Variants in PDK1 observed in about 807,000 individuals in gnomAD.
PDK1 encodes the protein [Pyruvate dehydrogenase (acetyl-transferring)] kinase isozyme 1, mitochondrial.
Under a neutral mutation model 54.2 loss-of-function variants are expected in PDK1, and 39 were observed. That is an observed-to-expected ratio of 0.72 (90% CI 0.56 to 0.94). The LOEUF (loss-of-function observed/expected upper bound fraction) is 0.94. Among genes scored for constraint, PDK1 ranks in the 40% least tolerant of loss-of-function variants. PDK1 has a pLI of 0.00. For missense variants in PDK1, 552 were observed against 566.0 expected, an observed-to-expected ratio of 0.98 and a Z score of 0.25; for synonymous variants, 221 against 207.1, an observed-to-expected ratio of 1.07 and a Z score of -0.58.
chr2:172,664,131 G>A, the PDK1 span, among the ~76,000 whole-genome samples: 1 of 151,484 alleles, frequency 6.6e-6, no homozygotes, highest in African/African-American at 2.4e-5. Flanking sequence ...GGCCAACATG[G>A]AGAAACCCTG....
At chr2:172,690,252 G>A in the PDK1 span, among the ~76,000 whole-genome samples, 2 of 150,558 alleles carry the variant, frequency 1.3e-5, no homozygotes, top group Non-Finnish European at 2.9e-5. Context: ...ATGAAAAAAT[G>A]CTCATCGTCA....
At chr2:172,582,657 C>T (rs1369162137) in intron 8 of PDK1, among the ~76,000 whole-genome samples, 1 of 152,184 alleles carries the variant, frequency 6.6e-6, no homozygotes, top group Non-Finnish European at 1.5e-5. Context: ...TGAATATATA[C>T]AGACTAAATA....
chr2:172,698,754 G>C, the PDK1 span, among the ~76,000 whole-genome samples: 1 of 152,170 alleles, frequency 6.6e-6, no homozygotes, highest in African/African-American at 2.4e-5. Context: ...CCTCAACCTT[G>C]ACTACACATT....
chr2:172,682,096 C>T, the PDK1 span, among the ~76,000 whole-genome samples: 2 of 152,240 alleles, frequency 1.3e-5, no homozygotes, highest in South Asian at 4.2e-4. Flanking sequence ...CGATGTAGGC[C>T]TTATTGAAAG....
the PDK1 span, among the ~76,000 whole-genome samples, chr2:172,717,292 G>A: frequency 6.6e-6 from 1 of 152,196 alleles, no homozygotes; most frequent in African/African-American, 2.4e-5. Flanking sequence ...ATCTTGAGAT[G>A]GCTGCAGCCT....
chr2:172,687,959 C>T, the PDK1 span, among the ~76,000 whole-genome samples: 16 of 152,200 alleles, frequency 1.1e-4, no homozygotes, highest in African/African-American at 3.9e-4. Flanking sequence ...GCACAGGGAT[C>T]CCCTTTTGGG....
intron 2 of PDK1, among the ~76,000 whole-genome samples, chr2:172,560,700 G>A (rs1688611134): frequency 6.6e-6 from 1 of 152,112 alleles, no homozygotes; most frequent in Non-Finnish European, 1.5e-5. Context: ...TTATTTTTCT[G>A]TTTTAAAACA....
the PDK1 span, among the ~76,000 whole-genome samples, chr2:172,715,251 C>T: frequency 1.3e-5 from 2 of 152,134 alleles, 1 homozygote; most frequent in African/African-American, 4.8e-5. Context: ...AGAGGTTTGC[C>T]TTTACTTTAA....
chr2:172,679,564 A>C, the PDK1 span, among the ~76,000 whole-genome samples: 1 of 152,206 alleles, frequency 6.6e-6, no homozygotes, highest in Non-Finnish European at 1.5e-5. Flanking sequence ...TTTGGAAAAC[A>C]TTTTTATAGC....
chr2:172,700,334 G>A, the PDK1 span, among the ~76,000 whole-genome samples: 9 of 149,408 alleles, frequency 6.0e-5, no homozygotes, highest in Non-Finnish European at 1.0e-4. Context: ...CGGGGCGGCC[G>A]GGCAGAGGCG....
the PDK1 span, among the ~76,000 whole-genome samples, chr2:172,680,422 G>C: frequency 6.6e-6 from 1 of 152,084 alleles, no homozygotes; most frequent in African/African-American, 2.4e-5. Context: ...CGTGATCATA[G>C]CTCACTGCAG....
chr2:172,622,279 TCTCATATATTATGTGAGATATGTTTATA>T, the PDK1 span, among the ~76,000 whole-genome samples: 1 of 135,234 alleles, frequency 7.4e-6, no homozygotes, highest in Non-Finnish European at 1.5e-5. Context: ...TATGTTTATA[TCTCATATATTATGTGAGATATGTTTATA>T]TCTCATATAT....
chr2:172,656,964 C>G, the PDK1 span, among the ~76,000 whole-genome samples: 1 of 152,112 alleles, frequency 6.6e-6, no homozygotes, highest in African/African-American at 2.4e-5. Flanking sequence ...GAGTTTTTAA[C>G]TCCCAAGCTC....
chr2:172,555,625 G>C (rs1276098801), upstream of PDK1: 2 of 152,244 alleles, frequency 1.3e-5, no homozygotes, highest in Non-Finnish European at 2.9e-5. Flanking sequence ...TTTCTGGAAC[G>C]CGCTCGCAGC....
downstream of PDK1, among the ~76,000 whole-genome samples, chr2:172,612,795 G>A (rs1483069722): frequency 1.3e-5 from 2 of 152,034 alleles, no homozygotes; most frequent in African/African-American, 4.8e-5. Context: ...TAGTAGCTGG[G>A]ATTACAGAGG....
At chr2:172,627,153 A>G in the PDK1 span, among the ~76,000 whole-genome samples, 1 of 152,222 alleles carries the variant, frequency 6.6e-6, no homozygotes, top group African/African-American at 2.4e-5. Flanking sequence ...GGCTGAGAAC[A>G]TTGTCTGAAA....
the PDK1 span, among the ~76,000 whole-genome samples, chr2:172,641,499 T>G: frequency 1.2e-4 from 18 of 149,582 alleles, no homozygotes; most frequent in East Asian, 3.2e-3. Context: ...TAGAGTGCAG[T>G]GGCACAATCT....
chr2:172,600,375 CAG>C lies in PDK1; in HGVS notation c.*4410_*4411del, dbSNP rs1205264270. 1.3e-5 allele frequency: 2 copies of C among 152,178 alleles called. No homozygotes were observed. The highest frequency in any genetic ancestry group is 6.5e-5 in the Admixed American group (1 of 15,294). 9.4% of individuals were successfully genotyped at this position (152,178 alleles called of 1,614,324 possible). ...TATATAACTATAAAATAGGATGGGA[CAG>C]AGAAAAATATGTCTGTATTACAGCA... On this transcript the variant is annotated 3_prime_UTR_variant, in exon 11 of 11. Transcript: ENST00000282077.
In PDK1 at chr2:172,572,772, C is replaced by T. The variant is rs139869846; in HGVS notation, c.945+1948C>T. ...ACGCAGTACCTATGAAGTCACTTCC[C>T]GTTTTTCTCTCTTCTAGCCCTTGGC... On this transcript the variant is annotated intron_variant, in intron 8 of 10. Coordinates refer to ENST00000282077, the MANE Select transcript of PDK1 (RefSeq NM_002610.5). Among the ~76,000 whole-genome samples, 798 of 152,198 alleles carry T rather than the reference C, an allele frequency of 5.2e-3. 10 individuals carry two copies. Among genetic ancestry groups the T allele is most frequent in the African/African-American group, 0.018 (729 of 41,540 alleles).
Sources: allele counts gnomAD v4.1 joint callset (sites outside exome capture counted in the v4.1 genomes callset), GRCh38; gene constraint gnomAD v4.1.1; transcripts MANE v1.5; gene names NCBI Gene and HGNC (gene_info 2026-07-23, HGNC 2026-07-21).